The following AFG2A variants were observed in gnomAD, a reference collection of about 807,000 sequenced individuals.
AFG2A encodes the protein AAA ATPase AFG2A.
chr4:123,262,537 C>A, the AFG2A span, among the ~76,000 whole-genome samples: 1 of 152,134 alleles, frequency 6.6e-6, no homozygotes, highest in Non-Finnish European at 1.5e-5. Flanking sequence ...TTCCCTTTGA[C>A]GTCTCTGAAT....
the AFG2A span, among the ~76,000 whole-genome samples, chr4:123,163,838 T>G: frequency 6.6e-6 from 1 of 152,178 alleles, no homozygotes; most frequent in Admixed American, 6.5e-5. Flanking sequence ...AGTAAAGAGT[T>G]TAAGTGACTA....
the AFG2A span, among the ~76,000 whole-genome samples, chr4:123,303,430 T>C: frequency 6.6e-6 from 1 of 152,030 alleles, no homozygotes; most frequent in Non-Finnish European, 1.5e-5. Context: ...TGAAAGGTTA[T>C]ACACTGAATA....
At chr4:123,193,009 A>G in the AFG2A span, among the ~76,000 whole-genome samples, 1 of 152,168 alleles carries the variant, frequency 6.6e-6, no homozygotes, top group Non-Finnish European at 1.5e-5. Flanking sequence ...ATTTATTTGT[A>G]TATGTTTTGC....
chr4:123,117,968 T>A, the AFG2A span, among the ~76,000 whole-genome samples: 1 of 152,088 alleles, frequency 6.6e-6, no homozygotes, highest in South Asian at 2.1e-4. Flanking sequence ...AGTTTGATCA[T>A]CTTTTAGAGA....
the AFG2A span, among the ~76,000 whole-genome samples, chr4:123,255,500 G>GAA: frequency 1.1e-3 from 150 of 139,936 alleles, 2 homozygotes; most frequent in Admixed American, 1.5e-3. Flanking sequence ...GTCTCAAAAA[G>GAA]AAAAAAAAAA....
At chr4:123,186,877 A>G in the AFG2A span, among the ~76,000 whole-genome samples, 2 of 152,032 alleles carry the variant, frequency 1.3e-5, no homozygotes, top group South Asian at 4.2e-4. Flanking sequence ...TGGGGTGGAG[A>G]GGGGGACAGC....
the AFG2A span, among the ~76,000 whole-genome samples, chr4:122,984,764 A>G: frequency 3.9e-5 from 6 of 152,262 alleles, no homozygotes; most frequent in African/African-American, 9.6e-5. Flanking sequence ...ATTGACTTGC[A>G]TATGTTAAAC....
chr4:123,170,338 A>G, the AFG2A span, among the ~76,000 whole-genome samples: 1 of 152,244 alleles, frequency 6.6e-6, no homozygotes, highest in Non-Finnish European at 1.5e-5. Context: ...TTTTTCACGC[A>G]GTAGCACAAA....
At chr4:123,152,794 C>G in the AFG2A span, among the ~76,000 whole-genome samples, 1 of 152,188 alleles carries the variant, frequency 6.6e-6, no homozygotes, top group African/African-American at 2.4e-5. Context: ...ACACAAAAAC[C>G]TGCATACAAT....
the AFG2A span, among the ~76,000 whole-genome samples, chr4:123,223,250 G>A: frequency 6.6e-6 from 1 of 152,052 alleles, no homozygotes; most frequent in Non-Finnish European, 1.5e-5. Flanking sequence ...CTGAGGTGAA[G>A]GCTCATTGTA....
the AFG2A span, among the ~76,000 whole-genome samples, chr4:123,279,277 G>A: frequency 2.6e-5 from 4 of 152,064 alleles, no homozygotes; most frequent in South Asian, 2.1e-4. Flanking sequence ...TGAGCCGGGC[G>A]TGGTGGCAGG....
chr4:123,002,271 G>A, the AFG2A span, among the ~76,000 whole-genome samples: 1 of 152,020 alleles, frequency 6.6e-6, no homozygotes, highest in Admixed American at 6.6e-5. Context: ...TTGCCAGTCT[G>A]TGTCTTTTAA....
At chr4:123,175,448 C>T in the AFG2A span, among the ~76,000 whole-genome samples, 8 of 152,142 alleles carry the variant, frequency 5.3e-5, no homozygotes, top group Admixed American at 1.3e-4. Context: ...ATACCACTTC[C>T]CATCTATTTG....
At chr4:123,095,040 A>AT in the AFG2A span, among the ~76,000 whole-genome samples, 5 of 26,848 alleles carry the variant, frequency 1.9e-4, no homozygotes, top group Non-Finnish European at 4.3e-4. Context: ...CAAAAAAAAA[A>AT]AAATATATAT....
chr4:122,948,659 C>A, the AFG2A span, among the ~76,000 whole-genome samples: 1 of 152,078 alleles, frequency 6.6e-6, no homozygotes, highest in Non-Finnish European at 1.5e-5. Context: ...GCTTATTTGG[C>A]AGAACTTACT....
chr4:123,160,112 T>A, the AFG2A span, among the ~76,000 whole-genome samples: 2 of 152,058 alleles, frequency 1.3e-5, no homozygotes, highest in Non-Finnish European at 2.9e-5. Context: ...TTTTACCAAG[T>A]TGTGCTACTT....
chr4:123,176,483 A>G, the AFG2A span, among the ~76,000 whole-genome samples: 1 of 152,198 alleles, frequency 6.6e-6, no homozygotes, highest in African/African-American at 2.4e-5. Context: ...CAAGTCCTAT[A>G]ACATAATATT....
At chr4:123,022,170 A>G in the AFG2A span, among the ~76,000 whole-genome samples, 39 of 152,210 alleles carry the variant, frequency 2.6e-4, no homozygotes, top group East Asian at 2.5e-3. Flanking sequence ...TGGCAACAAA[A>G]GCCAAAATTG....
At chr4:122,996,926 C>T in the AFG2A span, among the ~76,000 whole-genome samples, 1 of 151,986 alleles carries the variant, frequency 6.6e-6, no homozygotes, top group Non-Finnish European at 1.5e-5. Flanking sequence ...CAAATTTTGC[C>T]TTTTTACTGC....
Sources: allele counts gnomAD v4.1 joint callset (sites outside exome capture counted in the v4.1 genomes callset), GRCh38; gene constraint gnomAD v4.1.1; transcripts MANE v1.5; gene names NCBI Gene and HGNC (gene_info 2026-07-23, HGNC 2026-07-21).